The following ACTR6 variants were observed in gnomAD, a reference collection of about 807,000 sequenced individuals.
ACTR6 encodes actin related protein 6, also known as actin-related protein 6.
A neutral mutation model predicts 52.5 loss-of-function variants in ACTR6; 50 were observed. The observed-to-expected ratio is 0.95, with a 90% CI of 0.76 to 1.20. The LOEUF (loss-of-function observed/expected upper bound fraction) is 1.20, where lower values mean the gene tolerates loss of function less well. ACTR6 is among the 50% of genes most tolerant of loss of function. The probability of loss-of-function intolerance (pLI) is 0.00; values close to 1 mark genes in which losing one functional copy is unlikely to be tolerated. For missense variants in ACTR6, 344 were observed against 472.4 expected (o/e 0.73, Z 2.52); for synonymous variants, 135 against 147.2 (o/e 0.92, Z 0.60).
chr12:100,219,160 T>TA (rs563553340), intron 9 of ACTR6, among the ~76,000 whole-genome samples: 21,084 of 117,784 alleles, frequency 0.18, 2,518 homozygotes, highest in African/African-American at 0.35. Context: ...TTCCTCTCAT[T>TA]AAAAAAAAAA....
chr12:100,205,643 C>A, intron 2 of ACTR6, 33 bp from the exon 3 acceptor site: 1 of 1,245,352 alleles, frequency 8.0e-7, no homozygotes, highest in Non-Finnish European at 1.1e-6. Context: ...TTCAAATGTT[C>A]TTGATAATTA....
chr12:100,220,946 C>T (rs1187451601), intron 10 of ACTR6, among the ~76,000 whole-genome samples: 1 of 150,324 alleles, frequency 6.7e-6, no homozygotes, highest in Non-Finnish European at 1.5e-5. Context: ...AAGATTGCAC[C>T]ACTGTATGGT....
chr12:100,204,575 G>C (rs2096112938), intron 1 of ACTR6, among the ~76,000 whole-genome samples: 1 of 152,118 alleles, frequency 6.6e-6, no homozygotes, highest in African/African-American at 2.4e-5. Context: ...CTGTTGGCCA[G>C]GCTGGTCTCG....
In ACTR6 at chr12:100,218,772, G is replaced by A. The variant is rs1282478280; in HGVS notation, c.922+186G>A. On this transcript the variant is annotated intron_variant, in intron 9 of 10. Coordinates refer to ENST00000188312, the MANE Select transcript of ACTR6 (RefSeq NM_022496.5). The surrounding 1 kb of genome is among the most constrained non-coding windows in gnomAD (Gnocchi z 4.2). ...CATCTTTGATTATAAGTTTTTTTTT[G>A]TGATTATAAATTCGATAGAGGAAAA... Among the ~76,000 whole-genome samples the A allele has an allele frequency of 1.3e-5, 2 of 150,160 alleles. No individual in the cohort carries two copies. The highest frequency in any genetic ancestry group is 5.0e-5 in the African/African-American group (2 of 40,360).
chr12:100,211,624 A>AATATAT, intron 6 of ACTR6, among the ~76,000 whole-genome samples: 1 of 150,166 alleles, frequency 6.7e-6, no homozygotes, highest in Non-Finnish European at 1.5e-5. Context: ...GTCAGCTTAA[A>AATATAT]ATATATATAT....
intron 9 of ACTR6, among the ~76,000 whole-genome samples, chr12:100,219,077 T>G (rs2096126020): frequency 6.6e-6 from 1 of 151,410 alleles, no homozygotes; most frequent in Admixed American, 6.6e-5. Flanking sequence ...GTTCCAGAGT[T>G]TTAGGGTACT....
chr12:100,211,624 A>AATAT (rs151244612), intron 6 of ACTR6, among the ~76,000 whole-genome samples: 4 of 150,166 alleles, frequency 2.7e-5, no homozygotes, highest in African/African-American at 4.9e-5. Flanking sequence ...GTCAGCTTAA[A>AATAT]ATATATATAT....
chr12:100,209,407 G>A (rs1004606523), intron 4 of ACTR6, among the ~76,000 whole-genome samples: 5 of 152,202 alleles, frequency 3.3e-5, no homozygotes, highest in Admixed American at 6.5e-5. Context: ...TACAGTCCCA[G>A]CTACTGGAGA....
At chr12:100,209,394 G>C (rs1029795454) in intron 4 of ACTR6, among the ~76,000 whole-genome samples, 1 of 152,110 alleles carries the variant, frequency 6.6e-6, no homozygotes, top group Non-Finnish European at 1.5e-5. Context: ...GGTGGTGCAT[G>C]TGTACAGTCC....
chr12:100,205,128 A>G, intron 2 of ACTR6, 71 bp downstream of exon 2: 1 of 1,023,782 alleles, frequency 9.8e-7, no homozygotes, highest in Non-Finnish European at 1.4e-6. Context: ...AATTGTATAT[A>G]AAAGGCTGTG....
chr12:100,218,407 T>G lies in ACTR6; in HGVS notation c.751-8T>G, dbSNP rs1294523867. On this transcript the variant is annotated splice_polypyrimidine_tract_variant and splice_region_variant and intron_variant, in intron 8 of 10. Transcript: ENST00000188312. The surrounding 1 kb of genome is among the most constrained non-coding windows in gnomAD (Gnocchi z 4.2). The stretch of plus-strand genomic sequence containing the variant: ...TAACTTAAACTTTTAATCTTCTTTG[T>G]CTTTAAGCCAAGGGAAGAGATGGTG... The G allele has an allele frequency of 1.2e-6, 2 of 1,604,388 alleles. No individual in the cohort carries two copies. Among genetic ancestry groups the G allele is most frequent in the Non-Finnish European group, 1.7e-6 (2 of 1,175,954 alleles).
At chr12:100,208,054 A>C in intron 4 of ACTR6, 1 of 292,344 alleles carries the variant, frequency 3.4e-6, no homozygotes, top group Admixed American at 4.8e-5. Context: ...CCAGCTACTT[A>C]GGAAGCTGAG....
chr12:100,211,548 C>T (rs1351997377), intron 6 of ACTR6, among the ~76,000 whole-genome samples: 1 of 152,140 alleles, frequency 6.6e-6, no homozygotes, highest in Non-Finnish European at 1.5e-5. Flanking sequence ...GCTGGGATTA[C>T]AGGCGTAGCC....
rs73374435 is a variant in ACTR6, at chr12:100,200,989, C to T, written c.68+70C>T. 533 of 1,610,828 alleles carry T rather than the reference C, an allele frequency of 3.3e-4. 4 individuals carry two copies. The African/African-American group carries it at 6.4e-3, about 19-fold the overall frequency. On this transcript the variant is annotated intron_variant, in intron 1 of 10. Transcript: ENST00000188312. ...GGTTTCATGTGCTACGTTTCATCTC[C>T]GGACATCAATGAACTGCAGACACCC... is the stretch of plus-strand genomic sequence containing the variant.
rs952385870 is a variant in ACTR6 at position 100,212,549 on chromosome 12, A to G, written c.750+21A>G. ...GTAAGGTAATTTTTAAAAACCATCAATGGTTGGTTGCTGCGGCTCCTGTCT... is the reference window on the plus strand; with the variant it reads ...GTAAGGTAATTTTTAAAAACCATCAGTGGTTGGTTGCTGCGGCTCCTGTCT... On this transcript the variant is annotated intron_variant, in intron 8 of 10. Coordinates refer to ENST00000188312, the MANE Select transcript of ACTR6 (RefSeq NM_022496.5). 2.5e-6 allele frequency: 4 copies of G among 1,583,222 alleles called. No individual in the cohort carries two copies. The African/African-American group carries it at 5.4e-5, about 21-fold the overall frequency.
chr12:100,206,709 C>T (rs1211696381), intron 3 of ACTR6, among the ~76,000 whole-genome samples: 2 of 150,866 alleles, frequency 1.3e-5, no homozygotes, highest in South Asian at 2.1e-4. Context: ...TGCTCTGTTG[C>T]CCAGGCTGCA....
intron 1 of ACTR6, among the ~76,000 whole-genome samples, chr12:100,202,226 G>C (rs147394015): frequency 2.6e-3 from 392 of 152,062 alleles, no homozygotes; most frequent in African/African-American, 9.0e-3. Context: ...CCACCGCACC[G>C]GGCCATGACA....
chr12:100,224,032 T>C lies in ACTR6; in HGVS notation c.*117T>C. 1 of 1,178,116 alleles carries C rather than the reference T, an allele frequency of 8.5e-7. No individual in the cohort carries two copies. The highest frequency in any genetic ancestry group is 1.2e-6 in the Non-Finnish European group (1 of 866,068). The allele number at this position is 1,178,116 out of a possible 1,614,324, so 73.0% of individuals were successfully genotyped here. On this transcript the variant is annotated 3_prime_UTR_variant, in exon 11 of 11. Transcript: ENST00000188312. ...AGAAAAAGGCTTGAATTTATGTAAATACTTTGATCGATTGCTAATTTTCAA... is the reference window on the plus strand; with the variant it reads ...AGAAAAAGGCTTGAATTTATGTAAACACTTTGATCGATTGCTAATTTTCAA...
Position 100,205,701 on chromosome 12 carries a change from A to G in ACTR6, c.212A>G (p.Gln71Arg). Residue 71 changes from glutamine (Q) to arginine (R), a missense_variant, in exon 3 of 11, where the codon CAG becomes CGG. Coordinates refer to ENST00000188312, the MANE Select transcript of ACTR6 (RefSeq NM_022496.5). ...GGCTACTTGGTGAATTGGGATGTTCAGAGACAAGTTTGGGATTACCTTTTT... is the reference window on the plus strand; with the variant it reads ...GGCTACTTGGTGAATTGGGATGTTCGGAGACAAGTTTGGGATTACCTTTTT... ...QKGYLVNWDVQRQVWDYLFGK... is the reference protein window; with the variant it reads ...QKGYLVNWDVRRQVWDYLFGK... The G allele has an allele frequency of 2.0e-6, 3 of 1,523,106 alleles. No homozygotes were observed. The highest frequency in any genetic ancestry group is 2.6e-6 in the Non-Finnish European group (3 of 1,137,724). The allele number at this position is 1,523,106 out of a possible 1,614,324, so 94.3% of individuals were successfully genotyped here.
Sources: gnomAD v4.1 joint callset for allele counts (sites outside exome capture counted in the v4.1 genomes callset) on GRCh38, gnomAD v4.1.1 for gene constraint, Gnocchi (gnomAD v3.1) non-coding constraint, MANE v1.5 for transcripts, NCBI Gene and HGNC (gene_info 2026-07-23, HGNC 2026-07-21) for gene names.